The following MCC variants were observed in gnomAD, a reference collection of about 807,000 sequenced individuals.
MCC encodes colorectal mutant cancer protein.
Under a neutral mutation model 116.2 loss-of-function variants are expected in MCC, and 90 were observed. The ratio of observed to expected loss-of-function variants is 0.77; its 90% CI spans 0.65 to 0.92. The LOEUF (loss-of-function observed/expected upper bound fraction) is 0.92. Ranked by LOEUF, MCC falls within the 40% of genes least tolerant of loss-of-function variation. The pLI, the probability that MCC is intolerant of heterozygous loss-of-function variation, is 0.00. For synonymous variants in MCC, 578 were observed against 510.5 expected (o/e 1.13, Z -1.78); for missense variants, 1,516 against 1,312.2 (o/e 1.16, Z -2.40).
chr5:113,323,174 C>T (rs1377489901), intron 3 of MCC: 1 of 152,340 alleles, frequency 6.6e-6, no homozygotes, highest in Non-Finnish European at 1.5e-5. Flanking sequence ...CTTCAGATGA[C>T]TGCAGCCCTG....
intron 3 of MCC, among the ~76,000 whole-genome samples, chr5:113,330,775 C>T (rs1767678910): frequency 6.6e-6 from 1 of 152,126 alleles, no homozygotes; most frequent in Non-Finnish European, 1.5e-5. Context: ...TTCTAAATCC[C>T]TTTATCAGAG....
chr5:113,167,819 A>G (rs1259334285), intron 3 of MCC, among the ~76,000 whole-genome samples: 1 of 152,008 alleles, frequency 6.6e-6, no homozygotes, highest in African/African-American at 2.4e-5. Context: ...TTGCAGAGTT[A>G]AGGTCTTGTT....
At chr5:113,030,189 G>C (rs1350981431) in intron 17 of MCC, among the ~76,000 whole-genome samples, 1 of 152,144 alleles carries the variant, frequency 6.6e-6, no homozygotes, top group East Asian at 1.9e-4. Context: ...CATGCCCCTT[G>C]ACTAAGCAAC....
Position 113,104,065 on chromosome 5 carries a change from A to G in MCC, c.1191+127T>C. 6 of 987,828 alleles carry G rather than the reference A, an allele frequency of 6.1e-6. No individual in the cohort carries two copies. The South Asian group carries it at 1.3e-4, about 21-fold the overall frequency. The allele number at this position is 987,828 out of a possible 1,614,324, so 61.2% of individuals were successfully genotyped here. Reference sequence around the variant, plus strand: ...CCGCTTCTACACCGTGGCTCAATCTATTGTATGGCTCTCATGGAAACATTC... The same window carrying G: ...CCGCTTCTACACCGTGGCTCAATCTGTTGTATGGCTCTCATGGAAACATTC... On this transcript the variant is annotated intron_variant, in intron 7 of 18. Coordinates refer to ENST00000408903, the MANE Select transcript of MCC (RefSeq NM_001085377.2).
intron 3 of MCC, among the ~76,000 whole-genome samples, chr5:113,189,605 A>G (rs1224762241): frequency 6.6e-6 from 1 of 152,170 alleles, no homozygotes; most frequent in African/African-American, 2.4e-5. Flanking sequence ...TTACCCCTTT[A>G]TAGTCACACG....
At chr5:113,369,663 T>G (rs746857643) in intron 2 of MCC, among the ~76,000 whole-genome samples, 50 of 152,338 alleles carry the variant, frequency 3.3e-4, no homozygotes, top group Non-Finnish European at 6.3e-4. Flanking sequence ...CATAACCTAT[T>G]TAAGCTCTGA....
intron 3 of MCC, among the ~76,000 whole-genome samples, chr5:113,237,625 G>A (rs1764181803): frequency 6.6e-6 from 1 of 152,168 alleles, no homozygotes; most frequent in Admixed American, 6.5e-5. Context: ...GGGGAAAACG[G>A]GCCGGCTGTA....
chr5:113,376,574 TACACAC>T lies in MCC; in HGVS notation c.415+8388_415+8393del, dbSNP rs1554079796. The stretch of plus-strand genomic sequence containing the variant: ...TGAATCTCCTAGTTGCCATATTTTA[TACACAC>T]ACACACACACACACACACACACACA... On this transcript the variant is annotated intron_variant, in intron 2 of 18. Transcript: ENST00000408903. Among the ~76,000 whole-genome samples the T allele has an allele frequency of 7.4e-3, 1,086 of 145,888 alleles. 9 individuals carry two copies. The highest frequency in any genetic ancestry group is 0.015 in the African/African-American group (599 of 39,194).
Position 113,043,469 on chromosome 5 carries a change from C to T in MCC, c.2756+61G>A. ...CTCCTTTTGGGAGCAGCAAAGAGAA[C>T]TCAGAACAAAGTCTCCATGCCCAGG... is the stretch of plus-strand genomic sequence containing the variant. On this transcript the variant is annotated intron_variant, in intron 17 of 18. Coordinates refer to ENST00000408903, the MANE Select transcript of MCC (RefSeq NM_001085377.2). 2.8e-6 allele frequency: 4 copies of T among 1,440,216 alleles called. No individual in the cohort carries two copies. In the Admixed American group the frequency reaches 5.5e-5, roughly 20 times the overall value. The allele number at this position is 1,440,216 out of a possible 1,614,324, so 89.2% of individuals were successfully genotyped here. A position where few individuals can be genotyped will look rare whatever the true frequency, so the allele number is the denominator to read the frequency against.
intron 3 of MCC, among the ~76,000 whole-genome samples, chr5:113,157,667 G>C (rs1760248494): frequency 6.6e-6 from 1 of 152,208 alleles, no homozygotes; most frequent in Non-Finnish European, 1.5e-5. Flanking sequence ...CTCACTGCCA[G>C]CGTGCATCTA....
chr5:113,168,905 A>T (rs1760918268), intron 3 of MCC, among the ~76,000 whole-genome samples: 1 of 152,166 alleles, frequency 6.6e-6, no homozygotes, highest in Non-Finnish European at 1.5e-5. Flanking sequence ...TAGCTTAGGC[A>T]GGCATCAGCC....
Position 113,217,693 on chromosome 5 carries a change from C to G in MCC, c.628-66271G>C, listed in dbSNP as rs79258975. On this transcript the variant is annotated intron_variant, in intron 3 of 18. Coordinates refer to ENST00000408903, the MANE Select transcript of MCC (RefSeq NM_001085377.2). ...CAAACTCTGCCTTCCACCTGTGCCC[C>G]TAATCTGATGCTCCGGTTGCATGAC... Among the ~76,000 whole-genome samples, 45 of 150,644 alleles carry G rather than the reference C, an allele frequency of 3.0e-4. No homozygotes were observed. In the East Asian group the frequency reaches 8.1e-3, roughly 27 times the overall value.
At chr5:113,250,594 GTTC>G (rs1165821016) in intron 3 of MCC, among the ~76,000 whole-genome samples, 1 of 151,430 alleles carries the variant, frequency 6.6e-6, no homozygotes, top group Non-Finnish European at 1.5e-5. Context: ...GTGATCCTGT[GTTC>G]TTGTTATTGG....
Position 113,025,311 on chromosome 5 carries a change from A to G in MCC, c.*1991T>C, listed in dbSNP as rs139897552. ...TCCTCATGATAAAATGCAACTTTAT[A>G]TGAAAAGTGAAAAATTCTAAAAAAT... On this transcript the variant is annotated 3_prime_UTR_variant, in exon 19 of 19. Coordinates refer to ENST00000408903, the MANE Select transcript of MCC (RefSeq NM_001085377.2). 2 of 151,640 alleles carry G rather than the reference A, an allele frequency of 1.3e-5. No homozygotes were observed. Among genetic ancestry groups the G allele is most frequent in the Non-Finnish European group, 2.9e-5 (2 of 67,954 alleles). The allele number at this position is 151,640 out of a possible 1,614,324, so 9.4% of individuals were successfully genotyped here. A position where few individuals can be genotyped will look rare whatever the true frequency, so the allele number is the denominator to read the frequency against.
chr5:113,270,326 C>T (rs769029548), intron 3 of MCC, among the ~76,000 whole-genome samples: 87 of 152,032 alleles, frequency 5.7e-4, no homozygotes, highest in Non-Finnish European at 9.7e-4. Context: ...TTCACTAAAG[C>T]GTGCAACAGA....
chr5:113,466,360 T>C (rs1402476690), intron 1 of MCC, among the ~76,000 whole-genome samples: 2 of 111,406 alleles, frequency 1.8e-5, no homozygotes, highest in Admixed American at 1.2e-4. Context: ...CACTTCCCGA[T>C]GTGTGATGTT....
intron 3 of MCC, among the ~76,000 whole-genome samples, chr5:113,240,681 G>A (rs1561479371): frequency 6.6e-6 from 1 of 152,082 alleles, no homozygotes; most frequent in Admixed American, 6.5e-5. Flanking sequence ...ACTGTAACAG[G>A]ATTTCTCATC....
chr5:113,389,743 C>T (rs1340520967), intron 1 of MCC, among the ~76,000 whole-genome samples: 1 of 152,182 alleles, frequency 6.6e-6, no homozygotes, highest in African/African-American at 2.4e-5. Flanking sequence ...CCACCACATG[C>T]ACAGCAGACC....
intron 3 of MCC, among the ~76,000 whole-genome samples, chr5:113,252,201 G>C (rs1404238961): frequency 1.3e-5 from 2 of 152,122 alleles, no homozygotes; most frequent in African/African-American, 4.8e-5. Flanking sequence ...TTATCTTAGT[G>C]TAGAGCCTCC....
Sources: gnomAD v4.1 joint callset for allele counts (sites outside exome capture counted in the v4.1 genomes callset) on GRCh38, gnomAD v4.1.1 for gene constraint, MANE v1.5 for transcripts, NCBI Gene and HGNC (gene_info 2026-07-23, HGNC 2026-07-21) for gene names.